Variants in ANKS1B observed in about 807,000 individuals in gnomAD.
ANKS1B encodes the protein ankyrin repeat and sterile alpha motif domain containing 1B.
A neutral mutation model predicts 148.3 loss-of-function variants in ANKS1B; 36 were observed. That is an observed-to-expected ratio of 0.24 (90% confidence interval 0.19 to 0.32). The LOEUF is 0.32. Among genes scored for constraint, ANKS1B ranks in the 10% least tolerant of loss-of-function variants. ANKS1B has a pLI of 1.00. For synonymous variants in ANKS1B, 542 were observed against 560.8 expected (o/e 0.97, Z 0.47); for missense variants, 1,157 against 1,542.6 (o/e 0.75, Z 4.19).
intron 14 of ANKS1B, among the ~76,000 whole-genome samples, chr12:99,209,146 T>C (rs1236273561): frequency 6.6e-6 from 1 of 152,188 alleles, no homozygotes; most frequent in South Asian, 2.1e-4. Flanking sequence ...CTTGGTTTGG[T>C]TTCCTATCTT....
intron 1 of ANKS1B, among the ~76,000 whole-genome samples, chr12:99,851,901 AG>A (rs1279283326): frequency 5.9e-5 from 9 of 152,280 alleles, no homozygotes; most frequent in Admixed American, 2.6e-4. Flanking sequence ...TCACATTTTG[AG>A]GTGTTCTGCT....
At chr12:99,911,756 C>T (rs1046231156) in intron 1 of ANKS1B, among the ~76,000 whole-genome samples, 1 of 152,164 alleles carries the variant, frequency 6.6e-6, no homozygotes, top group Admixed American at 6.5e-5. Context: ...TTTGTTCCAT[C>T]TATATACCCT....
intron 1 of ANKS1B, among the ~76,000 whole-genome samples, chr12:99,936,761 T>C (rs976843760): frequency 6.6e-6 from 1 of 152,206 alleles, no homozygotes; most frequent in African/African-American, 2.4e-5. Context: ...TTTCCCGCTA[T>C]TTTCAGCCAT....
intron 17 of ANKS1B, among the ~76,000 whole-genome samples, chr12:98,934,609 T>A (rs925650082): frequency 2.0e-5 from 3 of 152,172 alleles, no homozygotes; most frequent in Admixed American, 6.5e-5. Context: ...ACATTTGATA[T>A]CTTTTCATTT....
intron 9 of ANKS1B, among the ~76,000 whole-genome samples, chr12:99,506,343 C>T (rs2096711683): frequency 6.6e-6 from 1 of 151,966 alleles, no homozygotes; most frequent in South Asian, 2.1e-4. Context: ...CAGCAGAATT[C>T]AAGGTCAGGG....
intron 9 of ANKS1B, among the ~76,000 whole-genome samples, chr12:99,581,289 C>T (rs543326509): frequency 6.6e-4 from 100 of 151,974 alleles, no homozygotes; most frequent in Non-Finnish European, 1.2e-3. Context: ...ACAGTGACAC[C>T]AAGGTAATTA....
intron 1 of ANKS1B, 85 bp downstream of exon 1, chr12:99,984,019 G>T: frequency 8.3e-7 from 1 of 1,207,430 alleles, no homozygotes; most frequent in Non-Finnish European, 1.2e-6. Flanking sequence ...CAGCCACCAG[G>T]TGCAATAACC....
At chr12:99,789,075 G>C (rs944971377) in intron 4 of ANKS1B, among the ~76,000 whole-genome samples, 5 of 152,166 alleles carry the variant, frequency 3.3e-5, no homozygotes, top group African/African-American at 1.2e-4. Flanking sequence ...TGCTGAGCTG[G>C]CTTCAGGTCT....
intron 12 of ANKS1B, among the ~76,000 whole-genome samples, chr12:99,256,379 G>T (rs556074582): frequency 6.6e-6 from 1 of 151,872 alleles, no homozygotes; most frequent in African/African-American, 2.4e-5. Flanking sequence ...AAATATTGTT[G>T]TCAGTGTTTT....
downstream of ANKS1B, among the ~76,000 whole-genome samples, chr12:98,743,092 T>G (rs576707913): frequency 2.0e-4 from 30 of 152,376 alleles, no homozygotes; most frequent in Middle Eastern, 3.4e-3. Context: ...TATCAAATTT[T>G]CATTTCTTTT....
intron 1 of ANKS1B, among the ~76,000 whole-genome samples, chr12:99,940,489 G>A (rs1441156264): frequency 6.6e-6 from 1 of 152,002 alleles, no homozygotes; most frequent in South Asian, 2.1e-4. Context: ...ACCTCTATTC[G>A]CTCCTATCAG....
chr12:99,586,890 T>C (rs766197137), intron 9 of ANKS1B, among the ~76,000 whole-genome samples: 1 of 152,004 alleles, frequency 6.6e-6, no homozygotes, highest in Non-Finnish European at 1.5e-5. Context: ...GCCCCCATGA[T>C]TCAATAACCT....
At chr12:98,808,838 CTT>C (rs1332682461) in intron 19 of ANKS1B, among the ~76,000 whole-genome samples, 1 of 152,126 alleles carries the variant, frequency 6.6e-6, no homozygotes, top group Admixed American at 6.5e-5. Flanking sequence ...AGCATGTAAA[CTT>C]ATTCAGCAAG....
intron 9 of ANKS1B, among the ~76,000 whole-genome samples, chr12:99,605,992 C>A (rs569095390): frequency 4.6e-5 from 7 of 152,024 alleles, no homozygotes; most frequent in Non-Finnish European, 1.0e-4. Flanking sequence ...TCCTCACCAG[C>A]ATTTGTTATT....
chr12:99,024,611 T>G (rs1344834000), intron 17 of ANKS1B, among the ~76,000 whole-genome samples: 1 of 152,244 alleles, frequency 6.6e-6, no homozygotes, highest in African/African-American at 2.4e-5. Flanking sequence ...TTCATTAAAT[T>G]GATCTTCCAG....
At chr12:99,161,845 T>C (rs2076687305) in intron 14 of ANKS1B, among the ~76,000 whole-genome samples, 1 of 151,962 alleles carries the variant, frequency 6.6e-6, no homozygotes, top group Non-Finnish European at 1.5e-5. Flanking sequence ...TCAAATGAGA[T>C]AGACAACAGA....
intron 9 of ANKS1B, among the ~76,000 whole-genome samples, chr12:98,737,666 CATGAGGCTGTCAA>C (rs2097780166): frequency 6.6e-6 from 1 of 152,174 alleles, no homozygotes; most frequent in African/African-American, 2.4e-5. Context: ...ATAAGGATAT[CATGAGGCTGTCAA>C]ATGAAGATGT....
intron 10 of ANKS1B, among the ~76,000 whole-genome samples, chr12:99,447,130 A>G (rs574170367): frequency 7.2e-5 from 11 of 152,238 alleles, no homozygotes; most frequent in African/African-American, 2.2e-4. Flanking sequence ...AGACACATCA[A>G]CCAATGGAAA....
At chr12:99,043,189 T>C (rs537482680) in intron 17 of ANKS1B, among the ~76,000 whole-genome samples, 2 of 152,308 alleles carry the variant, frequency 1.3e-5, no homozygotes, top group East Asian at 3.9e-4. Context: ...ATAAAACATA[T>C]AAAAAGGTAA....
Sources: allele counts gnomAD v4.1 joint callset (sites outside exome capture counted in the v4.1 genomes callset), GRCh38; gene constraint gnomAD v4.1.1; transcripts MANE v1.5; gene names NCBI Gene and HGNC (gene_info 2026-07-23, HGNC 2026-07-21).